The following C4orf51 variants were observed in gnomAD, a reference collection of about 807,000 sequenced individuals.
C4orf51 encodes the protein uncharacterized protein C4orf51.
A neutral mutation model predicts 25.2 loss-of-function variants in C4orf51; 25 were observed. The ratio of observed to expected loss-of-function variants is 0.99; its 90% CI spans 0.72 to 1.39. The LOEUF (loss-of-function observed/expected upper bound fraction) is 1.39. Among genes scored for constraint, C4orf51 ranks in the 40% most tolerant of loss-of-function variants. The pLI is 0.00. For missense variants in C4orf51, 252 were observed against 239.6 expected (o/e 1.05, Z -0.34); for synonymous variants, 100 against 84.5 (o/e 1.18, Z -1.01).
intron 2 of C4orf51, among the ~76,000 whole-genome samples, chr4:145,704,835 G>A (rs1041822699): frequency 5.9e-5 from 9 of 152,200 alleles, no homozygotes; most frequent in Non-Finnish European, 1.3e-4. Context: ...GAGTGAAAGT[G>A]TATTGAAAAG....
Position 145,761,912 on chromosome 4 carries a change from C to T in C4orf51, n.167-9076C>T, listed in dbSNP as rs994141878. Among the ~76,000 whole-genome samples, 1 of 152,196 alleles carries T rather than the reference C, an allele frequency of 6.6e-6. No individual in the cohort carries two copies. The highest frequency in any genetic ancestry group is 1.5e-5 in the Non-Finnish European group (1 of 68,020). On this transcript the variant is annotated intron_variant and non_coding_transcript_variant, in intron 1 of 1. Coordinates refer to the C4orf51 transcript ENST00000510096. The surrounding 1 kb of genome is among the most constrained non-coding windows in gnomAD (Gnocchi z 6.8). The stretch of plus-strand genomic sequence containing the variant: ...AGTGCCAGGAATCAATTTGCTGGTG[C>T]TCCCCTCCAGCCCCCGCCCGGCCCC...
intron 1 of C4orf51, among the ~76,000 whole-genome samples, chr4:145,747,014 T>C (rs1027593057): frequency 1.2e-4 from 19 of 152,310 alleles, no homozygotes; most frequent in African/African-American, 4.1e-4. Context: ...CTGTTTGCTG[T>C]TGGCATATAG....
At chr4:145,740,814 G>A (rs1733058419) in intron 1 of C4orf51, among the ~76,000 whole-genome samples, 1 of 152,150 alleles carries the variant, frequency 6.6e-6, no homozygotes, top group Non-Finnish European at 1.5e-5. Context: ...ATATGATAAT[G>A]TTTATATTTG....
At chr4:145,755,426 C>T (rs1733883816), downstream of C4orf51, among the ~76,000 whole-genome samples, 1 of 152,164 alleles carries the variant, frequency 6.6e-6, no homozygotes, top group African/African-American at 2.4e-5. Context: ...TACTGAAAAC[C>T]AAGAACTAAT....
At chr4:145,786,822 T>C in the C4orf51 span, among the ~76,000 whole-genome samples, 1 of 152,242 alleles carries the variant, frequency 6.6e-6, no homozygotes, top group African/African-American at 2.4e-5. Context: ...TTTTTAATTT[T>C]TTCAGAGTCA....
downstream of C4orf51, among the ~76,000 whole-genome samples, chr4:145,775,187 C>T (rs1243479854): frequency 6.6e-6 from 1 of 152,136 alleles, no homozygotes; most frequent in Admixed American, 6.6e-5. Context: ...TAGAAGCCAC[C>T]CACTGCTAGA....
intron 1 of C4orf51, among the ~76,000 whole-genome samples, chr4:145,746,435 T>C (rs949773921): frequency 6.6e-6 from 1 of 152,196 alleles, no homozygotes; most frequent in Non-Finnish European, 1.5e-5. Flanking sequence ...TGCATATGGA[T>C]ATCTAGTTTT....
chr4:145,714,481 C>T (rs1731295694), intron 2 of C4orf51, among the ~76,000 whole-genome samples: 1 of 152,192 alleles, frequency 6.6e-6, no homozygotes, highest in South Asian at 2.1e-4. Context: ...CTGCCACTAT[C>T]TATCTTCTGA....
intron 1 of C4orf51, among the ~76,000 whole-genome samples, chr4:145,748,169 C>T (rs902829632): frequency 4.6e-5 from 7 of 151,994 alleles, no homozygotes; most frequent in African/African-American, 9.7e-5. Flanking sequence ...TTCCAATTTA[C>T]GGGTATCTAG....
chr4:145,780,326 T>C, the C4orf51 span, among the ~76,000 whole-genome samples: 3 of 152,244 alleles, frequency 2.0e-5, no homozygotes, highest in East Asian at 5.8e-4. Context: ...TGCTCTTCAT[T>C]CCAGTTTGTG....
intron 1 of C4orf51, among the ~76,000 whole-genome samples, chr4:145,747,721 CCTCT>C (rs1240572064): frequency 2.5e-4 from 30 of 120,586 alleles, no homozygotes; most frequent in Middle Eastern, 4.5e-3. Context: ...TTCCTTCCTT[CCTCT>C]CTCTCTTTCT....
intron 1 of C4orf51, among the ~76,000 whole-genome samples, chr4:145,743,335 G>C (rs1733198691): frequency 6.6e-6 from 1 of 152,196 alleles, no homozygotes; most frequent in African/African-American, 2.4e-5. Context: ...CCAGCATCTT[G>C]TGAAGGCTTT....
At chr4:145,767,438 G>C (rs1299720206) in intron 1 of C4orf51, among the ~76,000 whole-genome samples, 1 of 152,132 alleles carries the variant, frequency 6.6e-6, no homozygotes, top group Non-Finnish European at 1.5e-5. Flanking sequence ...CTGGTGGGGT[G>C]GGGAGGGTGG....
chr4:145,698,758 T>C (rs1399602729), intron 2 of C4orf51, among the ~76,000 whole-genome samples: 1 of 152,168 alleles, frequency 6.6e-6, no homozygotes, highest in Non-Finnish European at 1.5e-5. Flanking sequence ...CACCAGTCAG[T>C]TGGGGGAGCT....
At position 145,761,210 on chromosome 4, in the gene C4orf51, C is replaced by T. The variant is rs561734416; in HGVS notation, n.167-9778C>T. On this transcript the variant is annotated intron_variant and non_coding_transcript_variant, in intron 1 of 1. Coordinates refer to the C4orf51 transcript ENST00000510096. This position sits in a 1 kb window ranked among gnomAD's most constrained non-coding sequence, Gnocchi z 6.8. ...CAGTCCCCACTCTGGTGCTTCTTGA[C>T]GTGGCGGCTGAAGACGAAAGGGTGT... 3 of 1,289,738 alleles carry T rather than the reference C, an allele frequency of 2.3e-6. No homozygotes were observed. Among genetic ancestry groups the T allele is most frequent in the Non-Finnish European group, 3.0e-6 (3 of 988,884 alleles). The allele number at this position is 1,289,738 out of a possible 1,614,324, so 79.9% of individuals were successfully genotyped here.
intron 4 of C4orf51, 135 bp downstream of exon 4, chr4:145,729,364 C>G (rs746821099): frequency 2.0e-5 from 11 of 538,178 alleles, no homozygotes; most frequent in Admixed American, 7.6e-5. Flanking sequence ...TGCAGTGGCG[C>G]GATCTCGGCT....
intron 1 of C4orf51, among the ~76,000 whole-genome samples, chr4:145,751,525 G>T (rs1468875572): frequency 2.0e-5 from 3 of 152,164 alleles, no homozygotes; most frequent in African/African-American, 7.2e-5. Flanking sequence ...CTGGAACTGG[G>T]GATAGAGTGA....
intron 2 of C4orf51, among the ~76,000 whole-genome samples, chr4:145,704,957 G>A (rs761786932): frequency 1.3e-5 from 2 of 152,228 alleles, no homozygotes; most frequent in African/African-American, 4.8e-5. Context: ...GATCAAGTGC[G>A]CAGTTTGACC....
chr4:145,729,078 TG>T, intron 3 of C4orf51, 90 bp from the exon 4 acceptor site: 2 of 885,766 alleles, frequency 2.3e-6, no homozygotes, highest in Non-Finnish European at 3.6e-6. Context: ...AATGCAGGGG[TG>T]GGGAGGAACA....
Sources: allele counts gnomAD v4.1 joint callset (sites outside exome capture counted in the v4.1 genomes callset), GRCh38; gene constraint gnomAD v4.1.1; non-coding constraint Gnocchi (gnomAD v3.1); transcripts MANE v1.5; gene names NCBI Gene and HGNC (gene_info 2026-07-23, HGNC 2026-07-21).